Variants in PTPRM observed in about 807,000 individuals in gnomAD.
The protein encoded by PTPRM is protein tyrosine phosphatase receptor type M, also known as receptor-type tyrosine-protein phosphatase mu.
In PTPRM, 47 loss-of-function variants were observed where a neutral mutation model predicts 186.7. The ratio of observed to expected loss-of-function variants is 0.25; its 90% CI spans 0.20 to 0.32. The LOEUF is 0.32. PTPRM is among the 10% of genes least tolerant of loss of function. The pLI, the probability that PTPRM is intolerant of heterozygous loss-of-function variation, is 1.00. For synonymous variants in PTPRM, 668 were observed against 674.9 expected, an observed-to-expected ratio of 0.99 and a Z score of 0.16; for missense variants, 1,494 against 1,865.0, an observed-to-expected ratio of 0.80 and a Z score of 3.66.
At chr18:7,837,203 C>G (rs1352380297) in intron 2 of PTPRM, among the ~76,000 whole-genome samples, 2 of 152,020 alleles carry the variant, frequency 1.3e-5, no homozygotes, top group Non-Finnish European at 1.5e-5. Context: ...TTTAAAATTC[C>G]TTTTTCTTTT....
chr18:7,727,860 G>C, intron 1 of PTPRM, among the ~76,000 whole-genome samples: 1 of 152,164 alleles, frequency 6.6e-6, no homozygotes, highest in East Asian at 1.9e-4. Context: ...TGTGTGCCAG[G>C]CACTAGGCCA....
chr18:7,592,799 G>GGT (rs1800315245), intron 1 of PTPRM, among the ~76,000 whole-genome samples: 1 of 152,176 alleles, frequency 6.6e-6, no homozygotes, highest in Non-Finnish European at 1.5e-5. Context: ...TACAAAGGCA[G>GGT]GTGTGTGTGT....
intron 1 of PTPRM, among the ~76,000 whole-genome samples, chr18:7,707,585 G>T (rs1368148560): frequency 6.6e-6 from 1 of 152,058 alleles, no homozygotes; most frequent in East Asian, 1.9e-4. Context: ...GCTACGGTGG[G>T]CTATGATCAT....
intron 14 of PTPRM, among the ~76,000 whole-genome samples, chr18:8,225,120 T>TA (rs1173168147): frequency 6.6e-6 from 1 of 152,212 alleles, no homozygotes; most frequent in African/African-American, 2.4e-5. Flanking sequence ...ATTCCTTCTG[T>TA]ATTTATTAAG....
chr18:7,972,923 A>C (rs569945800), intron 7 of PTPRM, among the ~76,000 whole-genome samples: 11 of 152,206 alleles, frequency 7.2e-5, no homozygotes, highest in African/African-American at 2.4e-4. Flanking sequence ...TCCCTTCCTT[A>C]CTAATTCTAA....
intron 2 of PTPRM, among the ~76,000 whole-genome samples, chr18:7,820,608 C>T (rs1453601427): frequency 6.6e-6 from 1 of 152,120 alleles, no homozygotes; most frequent in African/African-American, 2.4e-5. Context: ...TCGAGGCACC[C>T]CCAGTCAGAG....
At chr18:7,890,354 C>T (rs1488250408) in intron 3 of PTPRM, among the ~76,000 whole-genome samples, 1 of 152,138 alleles carries the variant, frequency 6.6e-6, no homozygotes, top group African/African-American at 2.4e-5. Flanking sequence ...ATCCAGTAAT[C>T]CATTCTGCAG....
At chr18:8,220,963 T>C (rs1601309674) in intron 14 of PTPRM, among the ~76,000 whole-genome samples, 1 of 152,250 alleles carries the variant, frequency 6.6e-6, no homozygotes, top group East Asian at 1.9e-4. Context: ...CCTTATGAGG[T>C]AAGATCTCAG....
At chr18:8,227,929 ACCGGTT>A (rs1305091135) in intron 14 of PTPRM, among the ~76,000 whole-genome samples, 1 of 152,210 alleles carries the variant, frequency 6.6e-6, no homozygotes, top group Non-Finnish European at 1.5e-5. Flanking sequence ...TTGCACTGTC[ACCGGTT>A]CCAGCCCCTC....
chr18:8,303,484 C>T (rs576535582), intron 20 of PTPRM, among the ~76,000 whole-genome samples: 10 of 152,178 alleles, frequency 6.6e-5, no homozygotes, highest in Non-Finnish European at 8.8e-5. Context: ...CGTCTTTGAA[C>T]GAAGGGAACC....
At chr18:8,331,644 C>T (rs1396574188) in intron 22 of PTPRM, among the ~76,000 whole-genome samples, 1 of 152,172 alleles carries the variant, frequency 6.6e-6, no homozygotes, top group Non-Finnish European at 1.5e-5. Flanking sequence ...ATAATGTATA[C>T]TCATATAGTT....
At chr18:7,933,540 C>T (rs2146879053) in intron 5 of PTPRM, among the ~76,000 whole-genome samples, 1 of 152,250 alleles carries the variant, frequency 6.6e-6, no homozygotes, top group East Asian at 1.9e-4. Context: ...AATGTATCTC[C>T]CATGGAACAG....
chr18:7,582,278 C>T (rs377407843), intron 1 of PTPRM, among the ~76,000 whole-genome samples: 12 of 152,174 alleles, frequency 7.9e-5, no homozygotes, highest in East Asian at 7.7e-4. Context: ...TGTCTCTCCT[C>T]GGTGATCTTG....
intron 22 of PTPRM, among the ~76,000 whole-genome samples, chr18:8,336,578 C>G (rs2095440389): frequency 1.5e-5 from 2 of 136,104 alleles, no homozygotes; most frequent in African/African-American, 5.5e-5. Context: ...GAGAGACAGA[C>G]AGAGACAGAC....
Position 7,817,177 on chromosome 18 carries a change from G to T in PTPRM, c.196+42906G>T, listed in dbSNP as rs577304592. Reference sequence around the variant, plus strand: ...TTTACTAGAAACAGGGTTTTGCCATGTTGGCCAGGCTGGTCTTGAACTCCT... The same window carrying T: ...TTTACTAGAAACAGGGTTTTGCCATTTTGGCCAGGCTGGTCTTGAACTCCT... On this transcript the variant is annotated intron_variant, in intron 2 of 32. Coordinates refer to ENST00000580170, the MANE Select transcript of PTPRM (RefSeq NM_001105244.2). 3.3e-5 allele frequency among the ~76,000 whole-genome samples: 5 copies of T among 152,192 alleles called. No individual in the cohort carries two copies. The East Asian group carries it at 7.8e-4, about 24-fold the overall frequency.
At chr18:8,209,403 A>G (rs2146940144) in intron 14 of PTPRM, among the ~76,000 whole-genome samples, 1 of 152,316 alleles carries the variant, frequency 6.6e-6, no homozygotes, top group East Asian at 1.9e-4. Flanking sequence ...AAAAAAATCA[A>G]GGATGTCTCT....
intron 20 of PTPRM, among the ~76,000 whole-genome samples, chr18:8,313,473 T>A (rs628736): frequency 0.015 from 2,240 of 152,202 alleles, 64 homozygotes; most frequent in African/African-American, 0.051. Flanking sequence ...ATTTTGGGGG[T>A]AAATCTGCTA....
chr18:7,681,070 A>G (rs1037666448), intron 1 of PTPRM, among the ~76,000 whole-genome samples: 1 of 152,194 alleles, frequency 6.6e-6, no homozygotes, highest in Non-Finnish European at 1.5e-5. Flanking sequence ...AAGGCTTGAC[A>G]CCACAATTTA....
At chr18:7,997,711 G>T (rs1481958451) in intron 7 of PTPRM, among the ~76,000 whole-genome samples, 1 of 152,090 alleles carries the variant, frequency 6.6e-6, no homozygotes, top group Admixed American at 6.6e-5. Context: ...TGAAAAATGA[G>T]CCAGTGACCT....
Sources: gnomAD v4.1 joint callset for allele counts (sites outside exome capture counted in the v4.1 genomes callset) on GRCh38, gnomAD v4.1.1 for gene constraint, MANE v1.5 for transcripts, NCBI Gene and HGNC (gene_info 2026-07-23, HGNC 2026-07-21) for gene names.